INPP4B: variants seen among roughly 807,000 people sequenced by gnomAD.
INPP4B encodes inositol polyphosphate-4-phosphatase type II B.
In INPP4B, 55 loss-of-function variants were observed where a neutral mutation model predicts 122.5. That is an observed-to-expected ratio of 0.45 (90% confidence interval 0.36 to 0.56). INPP4B has a LOEUF of 0.56. INPP4B is among the 20% of genes least tolerant of loss of function. The probability of loss-of-function intolerance (pLI) is 0.00; values close to 1 mark genes in which losing one functional copy is unlikely to be tolerated. For synonymous variants in INPP4B, 403 were observed against 388.7 expected, an observed-to-expected ratio of 1.04 and a Z score of -0.43; for missense variants, 1,000 against 1,097.7, an observed-to-expected ratio of 0.91 and a Z score of 1.26.
intron 25 of INPP4B, among the ~76,000 whole-genome samples, chr4:142,045,777 A>C (rs536939245): frequency 6.6e-6 from 1 of 152,312 alleles, no homozygotes; most frequent in South Asian, 2.1e-4. Flanking sequence ...ATATTAATTA[A>C]GCATCTGCAT....
chr4:142,574,451 TGG>T (rs35207534), intron 2 of INPP4B, among the ~76,000 whole-genome samples: 1 of 152,076 alleles, frequency 6.6e-6, no homozygotes, highest in Non-Finnish European at 1.5e-5. Flanking sequence ...CTCTCTCATG[TGG>T]GCATTATGAC....
At chr4:142,116,792 G>A (rs1793741590) in intron 21 of INPP4B, among the ~76,000 whole-genome samples, 2 of 151,912 alleles carry the variant, frequency 1.3e-5, no homozygotes, top group African/African-American at 4.8e-5. Flanking sequence ...GCTAGCAGAA[G>A]GCAAGAAATA....
rs1420729475 is a variant in INPP4B, at chr4:142,028,710, C to G, written c.*72G>C. On this transcript the variant is annotated 3_prime_UTR_variant, in exon 26 of 26. Transcript: ENST00000262992. ...ACAAATTCATGACAATAAAAACAAACAAAAAAGACCAAGGTGAAGATTATC... is the reference window on the plus strand; with the variant it reads ...ACAAATTCATGACAATAAAAACAAAGAAAAAAGACCAAGGTGAAGATTATC... The G allele has an allele frequency of 1.3e-6, 2 of 1,490,060 alleles. No individual in the cohort carries two copies. The highest frequency in any genetic ancestry group is 9.1e-7 in the Non-Finnish European group (1 of 1,104,540). The allele number at this position is 1,490,060 out of a possible 1,614,324, so 92.3% of individuals were successfully genotyped here.
rs1241644135 is a variant in INPP4B at position 142,198,443 on chromosome 4, T to A, written c.1073-5248A>T. On this transcript the variant is annotated intron_variant, in intron 14 of 25. Transcript: ENST00000262992. ...GGTATCATTTCTATTCTTGTTATAG[T>A]TTTCATGTGTTCCTTTTTTTAAAAA... is the stretch of plus-strand genomic sequence containing the variant. 1.3e-5 allele frequency among the ~76,000 whole-genome samples: 2 copies of A among 151,824 alleles called. 1 individual carries two copies. The highest frequency in any genetic ancestry group is 2.9e-5 in the Non-Finnish European group (2 of 67,906).
rs1737599256 is a variant in INPP4B at position 142,028,100 on chromosome 4, T to A, written c.*682A>T. 3 of 228,354 alleles carry A rather than the reference T, an allele frequency of 1.3e-5. No individual in the cohort carries two copies. The South Asian group carries it at 5.5e-4, about 42-fold the overall frequency. The allele number at this position is 228,354 out of a possible 1,614,324, so 14.1% of individuals were successfully genotyped here. A position where few individuals can be genotyped will look rare whatever the true frequency, so the allele number is the denominator to read the frequency against. Reference sequence around the variant, plus strand: ...CGTTCTATATTGCTACATTCACAGCTAGATCACACAACCCAAGTCAGAGTT... The same window carrying A: ...CGTTCTATATTGCTACATTCACAGCAAGATCACACAACCCAAGTCAGAGTT... On this transcript the variant is annotated 3_prime_UTR_variant, in exon 26 of 26. Transcript: ENST00000262992.
At chr4:142,082,639 A>G (rs1233770035) in intron 24 of INPP4B, among the ~76,000 whole-genome samples, 1 of 152,206 alleles carries the variant, frequency 6.6e-6, no homozygotes, top group Non-Finnish European at 1.5e-5. Flanking sequence ...CTTATTTTTC[A>G]TTTAAGAAAC....
intron 1 of INPP4B, among the ~76,000 whole-genome samples, chr4:142,840,649 TAAAAG>T (rs1783368233): frequency 6.6e-6 from 1 of 152,112 alleles, no homozygotes; most frequent in African/African-American, 2.4e-5. Flanking sequence ...AAATTATGTT[TAAAAG>T]AAAAGTTTTA....
intron 25 of INPP4B, chr4:142,030,251 A>G: frequency 6.5e-7 from 1 of 1,535,612 alleles, no homozygotes; most frequent in Non-Finnish European, 8.7e-7. Flanking sequence ...TATCAGTTAG[A>G]CAGCCTGTTT....
intron 12 of INPP4B, 38 bp from the exon 13 acceptor site, chr4:142,209,064 T>A: frequency 6.5e-7 from 1 of 1,529,086 alleles, no homozygotes; most frequent in Non-Finnish European, 8.9e-7. Flanking sequence ...TTTATTTTTA[T>A]CTTAAATCCA....
At chr4:142,715,907 C>G (rs1451943201) in intron 2 of INPP4B, among the ~76,000 whole-genome samples, 1 of 152,176 alleles carries the variant, frequency 6.6e-6, no homozygotes, top group Non-Finnish European at 1.5e-5. Context: ...GCAAATGATG[C>G]TGGCTGTTGG....
chr4:142,557,765 T>C (rs1435748759), intron 2 of INPP4B, among the ~76,000 whole-genome samples: 3 of 152,310 alleles, frequency 2.0e-5, no homozygotes, highest in East Asian at 3.9e-4. Flanking sequence ...ATATTCCATA[T>C]AAAAAGGAAT....
At chr4:142,292,467 A>G (rs772597017) in intron 9 of INPP4B, among the ~76,000 whole-genome samples, 1 of 152,154 alleles carries the variant, frequency 6.6e-6, no homozygotes, top group Non-Finnish European at 1.5e-5. Flanking sequence ...ACCATTAGAG[A>G]CCATCTCTGT....
intron 25 of INPP4B, among the ~76,000 whole-genome samples, chr4:142,048,391 A>G (rs1752694052): frequency 2.0e-5 from 3 of 152,076 alleles, no homozygotes; most frequent in Admixed American, 2.0e-4. Context: ...TTCTGAACCT[A>G]AACAGTTATC....
chr4:142,692,824 A>T (rs1760380503), intron 2 of INPP4B, among the ~76,000 whole-genome samples: 2 of 152,010 alleles, frequency 1.3e-5, no homozygotes, highest in African/African-American at 4.8e-5. Flanking sequence ...TGTCCCTGGC[A>T]AATTCTGGTA....
chr4:142,309,772 A>C lies in INPP4B; in HGVS notation c.424-4235T>G, dbSNP rs376328764. On this transcript the variant is annotated intron_variant, in intron 8 of 25. Coordinates refer to ENST00000262992, the MANE Select transcript of INPP4B (RefSeq NM_001101669.3). Reference sequence around the variant, plus strand: ...TCAGTTATTCTGGTGCAAGAACCCCAAAGCAGATAATCATTAAATTGTTTG... The same window carrying C: ...TCAGTTATTCTGGTGCAAGAACCCCCAAGCAGATAATCATTAAATTGTTTG... 2.6e-5 allele frequency among the ~76,000 whole-genome samples: 4 copies of C among 152,304 alleles called. No homozygotes were observed. In the East Asian group the frequency reaches 5.8e-4, roughly 22 times the overall value.
intron 15 of INPP4B, among the ~76,000 whole-genome samples, chr4:142,186,570 C>T (rs574697231): frequency 6.6e-6 from 1 of 152,176 alleles, no homozygotes; most frequent in Non-Finnish European, 1.5e-5. Context: ...AATAATTTGA[C>T]ATTACAAGAC....
chr4:142,637,300 C>G (rs1749372531), intron 2 of INPP4B, among the ~76,000 whole-genome samples: 1 of 152,060 alleles, frequency 6.6e-6, no homozygotes, highest in South Asian at 2.1e-4. Context: ...TAGTACAGTA[C>G]AGAATGGTTT....
At chr4:142,824,849 A>T in intron 1 of INPP4B, among the ~76,000 whole-genome samples, 1 of 152,270 alleles carries the variant, frequency 6.6e-6, no homozygotes, top group African/African-American at 2.4e-5. Flanking sequence ...AATTTCTATA[A>T]TATAAATTGG....
intron 16 of INPP4B, among the ~76,000 whole-genome samples, chr4:142,167,664 T>G (rs1823462025): frequency 6.6e-6 from 1 of 151,918 alleles, no homozygotes; most frequent in African/African-American, 2.4e-5. Flanking sequence ...TCTAGTCCAC[T>G]GAACTTTATG....
Sources: allele counts gnomAD v4.1 joint callset (sites outside exome capture counted in the v4.1 genomes callset), GRCh38; gene constraint gnomAD v4.1.1; transcripts MANE v1.5; gene names NCBI Gene and HGNC (gene_info 2026-07-23, HGNC 2026-07-21).